The following GABRA6 variants were observed in gnomAD, a reference collection of about 807,000 sequenced individuals.
The protein encoded by GABRA6 is gamma-aminobutyric acid type A receptor subunit alpha6, also known as gamma-aminobutyric acid receptor subunit alpha-6.
GABRA6 carries 45 observed loss-of-function variants against 47.3 expected under a neutral mutation model. The observed-to-expected ratio is 0.95, with a 90% CI of 0.75 to 1.22. The LOEUF is 1.22. Among genes scored for constraint, GABRA6 ranks in the 50% most tolerant of loss-of-function variants. The probability of loss-of-function intolerance (pLI) is 0.00; values close to 1 mark genes in which losing one functional copy is unlikely to be tolerated. For missense variants in GABRA6, 583 were observed against 549.3 expected (o/e 1.06, Z -0.61); for synonymous variants, 219 against 194.7 (o/e 1.12, Z -1.04).
At chr5:161,691,889 G>T (rs990403581) in intron 7 of GABRA6, 52 bp from the exon 8 acceptor site, 3 of 1,529,504 alleles carry the variant, frequency 2.0e-6, no homozygotes, top group Non-Finnish European at 2.7e-6. Flanking sequence ...ATTTGATTTT[G>T]CCATAGGATT....
At chr5:161,688,806 T>C in intron 3 of GABRA6, 143 bp from the exon 4 acceptor site, 1 of 728,582 alleles carries the variant, frequency 1.4e-6, no homozygotes, top group Non-Finnish European at 2.4e-6. Context: ...AATAACTAGC[T>C]AAAATTATAG....
chr5:161,693,362 T>C (rs1267170326), intron 8 of GABRA6, among the ~76,000 whole-genome samples: 1 of 152,048 alleles, frequency 6.6e-6, no homozygotes, highest in Non-Finnish European at 1.5e-5. Flanking sequence ...AATTTAAGGA[T>C]TTTTTATTAG....
chr5:161,693,768 T>C (rs1266544059), intron 8 of GABRA6, among the ~76,000 whole-genome samples: 1 of 152,190 alleles, frequency 6.6e-6, no homozygotes, highest in Non-Finnish European at 1.5e-5. Context: ...CAGTGAGCCA[T>C]GATCACACCG....
chr5:161,698,034 A>G (rs1336726092), intron 8 of GABRA6, among the ~76,000 whole-genome samples: 2 of 152,230 alleles, frequency 1.3e-5, no homozygotes, highest in African/African-American at 4.8e-5. Context: ...ACAATGTAAC[A>G]TAATCATAAA....
rs1286840247 is a variant in GABRA6 at position 161,692,069 on chromosome 5, A to G, written c.955A>G (p.Ile319Val). The G allele has an allele frequency of 6.2e-7, 1 of 1,614,146 alleles. No homozygotes were observed. Among genetic ancestry groups the G allele is most frequent in the Non-Finnish European group, 8.5e-7 (1 of 1,180,014 alleles). Residue 319 changes from isoleucine to valine, a missense_variant, in exon 8 of 9, where the codon ATC (isoleucine) becomes GTC (valine). Ile to Val is a conservative substitution (Grantham distance 29). Transcript: ENST00000274545. ...VCFAFVFSAL[I>V]EFAAVNYFTN... is the part of the protein sequence containing the mutation. Reference sequence around the variant, plus strand: ...CTTTGCATTCGTCTTCTCTGCGCTTATCGAGTTCGCAGCTGTCAACTACTT... The same window carrying G: ...CTTTGCATTCGTCTTCTCTGCGCTTGTCGAGTTCGCAGCTGTCAACTACTT...
rs1484201836 is a variant in GABRA6, at chr5:161,702,281, A to G, written c.*508A>G. On this transcript the variant is annotated 3_prime_UTR_variant, in exon 9 of 9. Transcript: ENST00000274545. ...GGCTTTCAGTGGCATTGTAAAGCCTACATTGAGCTTAGCCATTTGTTTTTA... is the reference window on the plus strand; with the variant it reads ...GGCTTTCAGTGGCATTGTAAAGCCTGCATTGAGCTTAGCCATTTGTTTTTA... The G allele has an allele frequency of 1.2e-5, 2 of 164,672 alleles. No homozygotes were observed. The highest frequency in any genetic ancestry group is 2.7e-5 in the Non-Finnish European group (2 of 74,902). The allele number at this position is 164,672 out of a possible 1,614,324, so 10.2% of individuals were successfully genotyped here.
At chr5:161,690,406 T>C in intron 7 of GABRA6, 53 bp downstream of exon 7, 4 of 1,547,588 alleles carry the variant, frequency 2.6e-6, no homozygotes, top group Non-Finnish European at 3.6e-6. Flanking sequence ...CTTTCATTGC[T>C]TGTGTATTTT....
rs184328961 is a variant in GABRA6 at position 161,690,426 on chromosome 5, T to C, written c.826+73T>C. ...ATTGCTTGTGTATTTTGAGTAAATA[T>C]TTACACTGGTGCACTTTTTCAATCC... On this transcript the variant is annotated intron_variant, in intron 7 of 8. Transcript: ENST00000274545. The C allele has an allele frequency of 2.9e-4, 414 of 1,419,744 alleles. 4 individuals carry two copies. In the African/African-American group the frequency reaches 4.7e-3, roughly 16 times the overall value. The allele number at this position is 1,419,744 out of a possible 1,614,324, so 87.9% of individuals were successfully genotyped here.
In GABRA6 at chr5:161,689,310, ATGC is replaced by A; in HGVS notation, c.505_507del (p.Ala169del). The A allele has an allele frequency of 6.2e-7, 1 of 1,614,036 alleles. No individual in the cohort carries two copies. Among genetic ancestry groups the A allele is most frequent in the Non-Finnish European group, 8.5e-7 (1 of 1,179,924 alleles). ...CTGGTTAACTTTCCTATGGATGGGCATGCTTGTCCACTCAAGTTTGGGAGCTGT... is the reference window on the plus strand; with the variant it reads ...CTGGTTAACTTTCCTATGGATGGGCATTGTCCACTCAAGTTTGGGAGCTGT... On this transcript the variant is annotated inframe_deletion, in exon 5 of 9. Coordinates refer to ENST00000274545, the MANE Select transcript of GABRA6 (RefSeq NM_000811.3).
intron 8 of GABRA6, among the ~76,000 whole-genome samples, chr5:161,696,428 C>A (rs1754887053): frequency 1.3e-5 from 2 of 148,340 alleles, no homozygotes; most frequent in South Asian, 4.3e-4. Context: ...TACTGTCATT[C>A]CTCCCTACAA....
Position 161,686,362 on chromosome 5 carries a change from T to A in GABRA6, c.157+14T>A, listed in dbSNP as rs1754693095. 15 of 1,577,896 alleles carry A rather than the reference T, an allele frequency of 9.5e-6. No homozygotes were observed. Among genetic ancestry groups the A allele is most frequent in the Non-Finnish European group, 1.3e-5 (15 of 1,147,060 alleles). ...CGGGATTTGGAGGTAAGAAGCTGCA[T>A]CTTTGCTACACAAACACCTGTAGTT... On this transcript the variant is annotated intron_variant, in intron 2 of 8. Transcript: ENST00000274545.
At chr5:161,688,726 G>A (rs1406163631) in intron 3 of GABRA6, among the ~76,000 whole-genome samples, 1 of 152,170 alleles carries the variant, frequency 6.6e-6, no homozygotes, top group Non-Finnish European at 1.5e-5. Flanking sequence ...AGTCAAGGTG[G>A]AGGAGGGAAG....
At position 161,701,873 on chromosome 5, in the gene GABRA6, C is replaced by A; in HGVS notation, c.*100C>A. 2.4e-6 allele frequency: 3 copies of A among 1,274,306 alleles called. No individual in the cohort carries two copies. In the South Asian group the frequency reaches 3.7e-5, roughly 16 times the overall value. The allele number at this position is 1,274,306 out of a possible 1,614,324, so 78.9% of individuals were successfully genotyped here. A position where few individuals can be genotyped will look rare whatever the true frequency, so the allele number is the denominator to read the frequency against. On this transcript the variant is annotated 3_prime_UTR_variant, in exon 9 of 9. Transcript: ENST00000274545. ...AGACTTGTGTAGATGCTTCTCAGAACATGAAATCAAATTGGAAATCTGTAA... is the reference window on the plus strand; with the variant it reads ...AGACTTGTGTAGATGCTTCTCAGAAAATGAAATCAAATTGGAAATCTGTAA...
chr5:161,693,680 T>C (rs1356654164), intron 8 of GABRA6, among the ~76,000 whole-genome samples: 1 of 151,708 alleles, frequency 6.6e-6, no homozygotes. Flanking sequence ...TGCTCTGTGG[T>C]GGTGGCATAT....
intron 3 of GABRA6, chr5:161,687,625 G>A (rs538945286): frequency 1.9e-5 from 8 of 420,876 alleles, no homozygotes; most frequent in South Asian, 5.1e-5. Context: ...ATTCTTTTAC[G>A]GTTCTCAGGT....
chr5:161,695,486 G>A (rs1032618432), intron 8 of GABRA6, among the ~76,000 whole-genome samples: 12 of 151,936 alleles, frequency 7.9e-5, no homozygotes, highest in African/African-American at 7.3e-5. Flanking sequence ...ATCTTCATGA[G>A]TTTCAGAGCC....
chr5:161,690,880 C>A (rs758197708), intron 7 of GABRA6, among the ~76,000 whole-genome samples: 40 of 152,098 alleles, frequency 2.6e-4, no homozygotes, highest in Non-Finnish European at 5.4e-4. Context: ...ATCAGTGACA[C>A]ATTCCAGTGT....
In GABRA6 at chr5:161,701,960, T is replaced by C; in HGVS notation, c.*187T>C. 1.6e-6 allele frequency: 1 copy of C among 623,780 alleles called. No individual in the cohort carries two copies. Among genetic ancestry groups the C allele is most frequent in the Non-Finnish European group, 2.8e-6 (1 of 361,776 alleles). 38.6% of individuals were successfully genotyped at this position (623,780 alleles called of 1,614,324 possible). A position where few individuals can be genotyped will look rare whatever the true frequency, so the allele number is the denominator to read the frequency against. On this transcript the variant is annotated 3_prime_UTR_variant, in exon 9 of 9. Transcript: ENST00000274545. ...TAATCCTACTCCTCAAAATAGAAAG[T>C]TGAAGATTGCTGAAAAATATGACTT... is the stretch of plus-strand genomic sequence containing the variant.
At chr5:161,694,638 C>T (rs1209684148) in intron 8 of GABRA6, among the ~76,000 whole-genome samples, 1 of 152,024 alleles carries the variant, frequency 6.6e-6, no homozygotes, top group Non-Finnish European at 1.5e-5. Flanking sequence ...AAATTATCTC[C>T]AAGTACTTTT....
Sources: allele counts gnomAD v4.1 joint callset (sites outside exome capture counted in the v4.1 genomes callset), GRCh38; gene constraint gnomAD v4.1.1; transcripts MANE v1.5; gene names NCBI Gene and HGNC (gene_info 2026-07-23, HGNC 2026-07-21).